Variants in SNX31 observed in about 807,000 individuals in gnomAD.
SNX31 encodes sorting nexin-31.
In SNX31, 58 loss-of-function variants were observed where a neutral mutation model predicts 65.4. That is an observed-to-expected ratio of 0.89 (90% confidence interval 0.72 to 1.10). The LOEUF is 1.10. Among genes scored for constraint, SNX31 ranks in the 50% least tolerant of loss-of-function variants. The pLI, the probability that SNX31 is intolerant of heterozygous loss-of-function variation, is 0.00. For synonymous variants in SNX31, 181 were observed against 190.1 expected, an observed-to-expected ratio of 0.95 and a Z score of 0.39; for missense variants, 523 against 529.7, an observed-to-expected ratio of 0.99 and a Z score of 0.12.
At chr8:100,618,608 G>A in intron 4 of SNX31, 1 of 526,728 alleles carries the variant, frequency 1.9e-6, no homozygotes, top group Non-Finnish European at 3.3e-6. Context: ...TTTCTGCCCA[G>A]CTGACTACAA....
At chr8:100,618,637 C>T in intron 4 of SNX31, 1 of 500,420 alleles carries the variant, frequency 2.0e-6, no homozygotes, top group Admixed American at 3.7e-5. Context: ...TTCCATGACC[C>T]CCTCTCAGGT....
chr8:100,578,074 G>A lies in SNX31; in HGVS notation c.1171-999C>T, dbSNP rs1031243466. Among the ~76,000 whole-genome samples the A allele has an allele frequency of 2.0e-5, 3 of 151,518 alleles. No individual in the cohort carries two copies. Among genetic ancestry groups the A allele is most frequent in the African/African-American group, 4.9e-5 (2 of 40,788 alleles). ...TTTGCATTAGGCCACATTCAGACAT[G>A]TCCTGGGCTGCATGCAGCCCGCAGG... On this transcript the variant is annotated intron_variant, in intron 12 of 13. Transcript: ENST00000311812. This position sits in a 1 kb window ranked among gnomAD's most constrained non-coding sequence, Gnocchi z 4.7.
At position 100,648,741 on chromosome 8, in the gene SNX31, G is replaced by A. The variant is rs114420003; in HGVS notation, c.141+533C>T. The stretch of plus-strand genomic sequence containing the variant: ...CCTAGCTTGGTAAGTCATGTTCCCT[G>A]GTTCCCAGCCTGCCAGTACTTGAAG... On this transcript the variant is annotated intron_variant, in intron 2 of 13. Transcript: ENST00000311812. This position sits in a 1 kb window ranked among gnomAD's most constrained non-coding sequence, Gnocchi z 4.3. 8.9e-3 allele frequency among the ~76,000 whole-genome samples: 1,357 copies of A among 152,280 alleles called. 24 individuals carry two copies. Among genetic ancestry groups the A allele is most frequent in the African/African-American group, 0.031 (1,283 of 41,544 alleles).
intron 4 of SNX31, among the ~76,000 whole-genome samples, chr8:100,620,967 A>T (rs1187586759): frequency 1.3e-5 from 2 of 152,102 alleles, no homozygotes; most frequent in East Asian, 3.9e-4. Flanking sequence ...AAAGAAAAAT[A>T]AAAAAGGAAA....
chr8:100,588,978 C>A lies in SNX31; in HGVS notation c.980G>T (p.Gly327Val), dbSNP rs767976243. 42 of 1,609,762 alleles carry A rather than the reference C, an allele frequency of 2.6e-5. No individual in the cohort carries two copies. In the Middle Eastern group the frequency reaches 4.0e-3, roughly 152 times the overall value. Residue 327 changes from glycine to valine, a missense_variant and splice_region_variant, in exon 11 of 14, where the codon GGA becomes GTA. Coordinates refer to ENST00000311812, the MANE Select transcript of SNX31 (RefSeq NM_152628.4). The surrounding 1 kb of genome is among the most constrained non-coding windows in gnomAD (Gnocchi z 4.8). ...GGGCCCATCCGTATCCAGCAGAGTT[C>A]CCTACAAAGGAAAATATTTTATATT... ...RVKCWQVTFLGTLLDTDGPQR... is the reference protein window; with the variant it reads ...RVKCWQVTFLVTLLDTDGPQR...
chr8:100,640,372 C>A (rs1819081330), intron 2 of SNX31, among the ~76,000 whole-genome samples: 1 of 152,210 alleles, frequency 6.6e-6, no homozygotes, highest in South Asian at 2.1e-4. Context: ...GTGATCCACC[C>A]ACCTTGGCCT....
In SNX31 at chr8:100,573,454, T is replaced by C. The variant is rs999929025; in HGVS notation, c.*411A>G. On this transcript the variant is annotated 3_prime_UTR_variant, in exon 14 of 14. Transcript: ENST00000311812. Reference sequence around the variant, plus strand: ...TAGAAATCGATCCAAAATATCTTTATGATATTTTATGAGACTTTCATTTAT... The same window carrying C: ...TAGAAATCGATCCAAAATATCTTTACGATATTTTATGAGACTTTCATTTAT... 2.0e-5 allele frequency: 3 copies of C among 152,878 alleles called. No individual in the cohort carries two copies. The highest frequency in any genetic ancestry group is 7.2e-5 in the African/African-American group (3 of 41,468). The allele number at this position is 152,878 out of a possible 1,614,324, so 9.5% of individuals were successfully genotyped here. A position where few individuals can be genotyped will look rare whatever the true frequency, so the allele number is the denominator to read the frequency against.
chr8:100,602,467 C>G (rs1397999233), intron 8 of SNX31, among the ~76,000 whole-genome samples: 1 of 152,326 alleles, frequency 6.6e-6, no homozygotes, highest in Non-Finnish European at 1.5e-5. Flanking sequence ...ATGCCTGGTA[C>G]TGTCATGGAT....
intron 12 of SNX31, among the ~76,000 whole-genome samples, chr8:100,580,235 A>G (rs759834194): frequency 2.6e-5 from 4 of 152,048 alleles, no homozygotes; most frequent in Non-Finnish European, 4.4e-5. Flanking sequence ...CATCTCATGT[A>G]TCCAGATTAC....
Position 100,612,347 on chromosome 8 carries a change from T to C in SNX31, c.524-260A>G, listed in dbSNP as rs1214676387. 1.3e-5 allele frequency among the ~76,000 whole-genome samples: 2 copies of C among 152,000 alleles called. No homozygotes were observed. Among genetic ancestry groups the C allele is most frequent in the East Asian group, 3.9e-4 (2 of 5,178 alleles). Reference sequence around the variant, plus strand: ...AGATGAAAAAATAGATCCGGAGACATCCAGCGCCTTCGCAGCTCACCGCAG... The same window carrying C: ...AGATGAAAAAATAGATCCGGAGACACCCAGCGCCTTCGCAGCTCACCGCAG... On this transcript the variant is annotated intron_variant, in intron 6 of 13. Coordinates refer to ENST00000311812, the MANE Select transcript of SNX31 (RefSeq NM_152628.4). The surrounding 1 kb of genome is among the most constrained non-coding windows in gnomAD (Gnocchi z 4.3).
chr8:100,588,419 A>C lies in SNX31; in HGVS notation c.1092+447T>G, dbSNP rs1202125522. 1.3e-5 allele frequency among the ~76,000 whole-genome samples: 2 copies of C among 152,230 alleles called. No homozygotes were observed. Among genetic ancestry groups the C allele is most frequent in the African/African-American group, 4.8e-5 (2 of 41,462 alleles). The stretch of plus-strand genomic sequence containing the variant: ...CATAAAAATCTGTATTGCCTAAGTC[A>C]GGGGTTGGCAAACAAGGCCAGACCA... On this transcript the variant is annotated intron_variant, in intron 11 of 13. Coordinates refer to ENST00000311812, the MANE Select transcript of SNX31 (RefSeq NM_152628.4). This position sits in a 1 kb window ranked among gnomAD's most constrained non-coding sequence, Gnocchi z 4.8.
At chr8:100,574,732 G>A (rs537750324) in intron 13 of SNX31, among the ~76,000 whole-genome samples, 51 of 151,706 alleles carry the variant, frequency 3.4e-4, no homozygotes, top group Non-Finnish European at 5.7e-4. Flanking sequence ...CCAGGAGTAC[G>A]AGACCAGCCT....
At position 100,630,382 on chromosome 8, in the gene SNX31, T is replaced by G; in HGVS notation, c.266A>C (p.Asp89Ala). ...GACATCACTTCTCAACACGTTTGGG[T>G]CCATGGTTACTGAAAAACATGGACG... ...LEQYLQNVTMDPNVLRSDVFV... is the reference protein window; with the variant it reads ...LEQYLQNVTMAPNVLRSDVFV... The change falls in exon 4 of 14, where the codon GAC (aspartate) becomes GCC (alanine). Residue 89 changes from aspartate (D) to alanine (A), a missense_variant. Physicochemically the swap from Asp to Ala is moderately radical, Grantham distance 126. Coordinates refer to ENST00000311812, the MANE Select transcript of SNX31 (RefSeq NM_152628.4). The surrounding 1 kb of genome is among the most constrained non-coding windows in gnomAD (Gnocchi z 5.3). 4 of 1,612,234 alleles carry G rather than the reference T, an allele frequency of 2.5e-6. No homozygotes were observed. The highest frequency in any genetic ancestry group is 3.4e-6 in the Non-Finnish European group (4 of 1,179,470).
At chr8:100,641,717 A>AT (rs34610614) in intron 2 of SNX31, among the ~76,000 whole-genome samples, 105 of 117,764 alleles carry the variant, frequency 8.9e-4, no homozygotes, top group African/African-American at 1.9e-3. Context: ...ACCTAGTATA[A>AT]TTTTTTTTTT....
chr8:100,649,336 G>T lies in SNX31; in HGVS notation c.79C>A (p.His27Asn), dbSNP rs1364254296. 9.9e-6 allele frequency: 16 copies of T among 1,613,930 alleles called. No individual in the cohort carries two copies. The highest frequency in any genetic ancestry group is 1.4e-5 in the Non-Finnish European group (16 of 1,179,940). Residue 27 changes from histidine to asparagine, a missense_variant, in exon 2 of 14, where the codon CAC becomes AAC. Coordinates refer to ENST00000311812, the MANE Select transcript of SNX31 (RefSeq NM_152628.4). Reference sequence around the variant, plus strand: ...CTGCAGAAGAGGAACCCGTCCAGGTGCACGGAGTACAGCTGCAAACACACA... The same window carrying T: ...CTGCAGAAGAGGAACCCGTCCAGGTTCACGGAGTACAGCTGCAAACACACA... ...LGGRYVLYSVHLDGFLFCRVR... is the reference protein window; with the variant it reads ...LGGRYVLYSVNLDGFLFCRVR...
At chr8:100,580,731 C>G (rs772930672) in intron 12 of SNX31, among the ~76,000 whole-genome samples, 1 of 152,158 alleles carries the variant, frequency 6.6e-6, no homozygotes, top group East Asian at 1.9e-4. Flanking sequence ...CCACCCCATC[C>G]AGCCCTAGAC....
upstream of SNX31, among the ~76,000 whole-genome samples, chr8:100,651,994 T>C (rs533413378): frequency 2.3e-4 from 35 of 152,288 alleles, no homozygotes; most frequent in African/African-American, 7.9e-4. Flanking sequence ...TCTTTTTTTT[T>C]TTGAAACAGT....
In SNX31 at chr8:100,610,746, A is replaced by G. The variant is rs1447439117; in HGVS notation, c.611+1254T>C. Among the ~76,000 whole-genome samples the G allele has an allele frequency of 6.6e-6, 1 of 152,252 alleles. No individual in the cohort carries two copies. Among genetic ancestry groups the G allele is most frequent in the Non-Finnish European group, 1.5e-5 (1 of 68,036 alleles). ...CATCTCAAGATCTGGACCATTCCTC[A>G]GGATACTTCTGAACAGCAGTATATG... On this transcript the variant is annotated intron_variant, in intron 7 of 13. Coordinates refer to ENST00000311812, the MANE Select transcript of SNX31 (RefSeq NM_152628.4). The surrounding 1 kb of genome is among the most constrained non-coding windows in gnomAD (Gnocchi z 4.0).
At chr8:100,633,019 G>C (rs1414529861) in intron 3 of SNX31, among the ~76,000 whole-genome samples, 1 of 152,058 alleles carries the variant, frequency 6.6e-6, no homozygotes. Context: ...GAAACTCCTG[G>C]GCTCCAGCAA....
Sources: allele counts gnomAD v4.1 joint callset (sites outside exome capture counted in the v4.1 genomes callset), GRCh38; gene constraint gnomAD v4.1.1; non-coding constraint Gnocchi (gnomAD v3.1); transcripts MANE v1.5; gene names NCBI Gene and HGNC (gene_info 2026-07-23, HGNC 2026-07-21).